The following A1CF variants were observed in gnomAD, a reference collection of about 807,000 sequenced individuals.
A1CF encodes the protein APOBEC1 complementation factor.
A1CF carries 48 observed loss-of-function variants against 68.9 expected under a neutral mutation model. The observed-to-expected ratio is 0.70, with a 90% CI of 0.55 to 0.89. A1CF has a LOEUF of 0.89. Ranked by LOEUF, A1CF falls within the 40% of genes least tolerant of loss-of-function variation. The pLI, the probability that A1CF is intolerant of heterozygous loss-of-function variation, is 0.00. For missense variants in A1CF, 653 were observed against 718.9 expected (o/e 0.91, Z 1.05); for synonymous variants, 272 against 260.4 (o/e 1.04, Z -0.43).
In A1CF at chr10:50,820,576, C is replaced by T. The variant is rs748398043; in HGVS notation, c.843G>A (p.Glu281=). 1 of 1,613,414 alleles carries T rather than the reference C, an allele frequency of 6.2e-7. No homozygotes were observed. The part of the protein sequence containing the change: ...VHFSNREDAV[E]AMKALNGKVL... ...CCTTGCCATTTAAAGCTTTCATAGC[C>T]TCAACTGCATCTTCTCGGTTACTGA... The change falls in exon 8 of 13, where the codon GAG becomes GAA. Residue 281 remains glutamate, a synonymous_variant. Transcript: ENST00000373997.
chr10:50,837,415 C>T (rs115011895), intron 5 of A1CF, among the ~76,000 whole-genome samples: 2,003 of 152,244 alleles, frequency 0.013, 53 homozygotes, highest in African/African-American at 0.045. Flanking sequence ...CTTAAGTGTG[C>T]ACAACCTTTG....
Position 50,806,645 on chromosome 10 carries a change from A to G in A1CF, c.*84T>C. On this transcript the variant is annotated 3_prime_UTR_variant, in exon 13 of 13. Coordinates refer to ENST00000373997, the MANE Select transcript of A1CF (RefSeq NM_014576.4). ...TTTAGGAAACATATTATTTATGATC[A>G]TTGGGGACCGAGTTAGAGGTTTATT... 4 of 1,300,874 alleles carry G rather than the reference A, an allele frequency of 3.1e-6. No homozygotes were observed. The highest frequency in any genetic ancestry group is 3.5e-5 in the South Asian group (2 of 57,208). The allele number at this position is 1,300,874 out of a possible 1,614,324, so 80.6% of individuals were successfully genotyped here.
intron 1 of A1CF, among the ~76,000 whole-genome samples, chr10:50,867,746 A>T (rs988792994): frequency 6.6e-6 from 1 of 152,220 alleles, no homozygotes; most frequent in Admixed American, 6.5e-5. Context: ...AAAGATAAAG[A>T]CAGAATTAAA....
chr10:50,873,956 A>G (rs1247390476), intron 1 of A1CF, among the ~76,000 whole-genome samples: 1 of 152,122 alleles, frequency 6.6e-6, no homozygotes, highest in East Asian at 1.9e-4. Flanking sequence ...TGATTATTTT[A>G]TTATAATTTT....
rs1034635147 is a variant in A1CF at position 50,806,654 on chromosome 10, C to A, written c.*75G>T. Reference sequence around the variant, plus strand: ...CATATTATTTATGATCATTGGGGACCGAGTTAGAGGTTTATTTCTTTTTTT... The same window carrying A: ...CATATTATTTATGATCATTGGGGACAGAGTTAGAGGTTTATTTCTTTTTTT... On this transcript the variant is annotated 3_prime_UTR_variant, in exon 13 of 13. Coordinates refer to ENST00000373997, the MANE Select transcript of A1CF (RefSeq NM_014576.4). The A allele has an allele frequency of 2.1e-5, 29 of 1,359,274 alleles. No individual in the cohort carries two copies. In the Admixed American group the frequency reaches 5.2e-4, roughly 25 times the overall value. 84.2% of individuals were successfully genotyped at this position (1,359,274 alleles called of 1,614,324 possible). A position where few individuals can be genotyped will look rare whatever the true frequency, so the allele number is the denominator to read the frequency against.
At chr10:50,878,366 A>C (rs745561388) in intron 1 of A1CF, among the ~76,000 whole-genome samples, 6 of 152,228 alleles carry the variant, frequency 3.9e-5, no homozygotes, top group Non-Finnish European at 8.8e-5. Flanking sequence ...GTTTATGCAC[A>C]CTTGCTTGGT....
chr10:50,836,338 T>C, intron 5 of A1CF, 26 bp from the exon 6 acceptor site: 2 of 1,600,110 alleles, frequency 1.2e-6, no homozygotes, highest in Non-Finnish European at 1.7e-6. Flanking sequence ...GGATTTTGAT[T>C]GATGAGAATC....
intron 1 of A1CF, among the ~76,000 whole-genome samples, chr10:50,884,236 A>G (rs1467004861): frequency 6.6e-6 from 1 of 152,216 alleles, no homozygotes; most frequent in Non-Finnish European, 1.5e-5. Context: ...CAAAGTATTT[A>G]TAGTGTTTTA....
rs918684192 is a variant in A1CF, at chr10:50,808,781, A to G, written c.1609+1113T>C. ...GGAGGATATATTCAAAACTTTTGAG[A>G]AAAAAAACCCCAAAACCAAAAAACA... is the stretch of plus-strand genomic sequence containing the variant. On this transcript the variant is annotated intron_variant, in intron 12 of 12. Coordinates refer to ENST00000373997, the MANE Select transcript of A1CF (RefSeq NM_014576.4). Among the ~76,000 whole-genome samples, 17 of 152,038 alleles carry G rather than the reference A, an allele frequency of 1.1e-4. No homozygotes were observed. In the South Asian group the frequency reaches 1.2e-3, roughly 11 times the overall value.
chr10:50,847,319 A>C (rs1840047247), intron 3 of A1CF, among the ~76,000 whole-genome samples: 1 of 152,192 alleles, frequency 6.6e-6, no homozygotes, highest in Non-Finnish European at 1.5e-5. Flanking sequence ...GTAAATTAAC[A>C]ATTGAGGACA....
intron 3 of A1CF, among the ~76,000 whole-genome samples, chr10:50,858,506 T>G (rs1840590914): frequency 6.6e-6 from 1 of 152,094 alleles, no homozygotes; most frequent in Non-Finnish European, 1.5e-5. Flanking sequence ...CTTGACAGAT[T>G]TATACATATT....
rs1837575817 is a variant in A1CF, at chr10:50,800,943, G to A, written c.*5786C>T. 1 of 152,192 alleles carries A rather than the reference G, an allele frequency of 6.6e-6. No individual in the cohort carries two copies. Among genetic ancestry groups the A allele is most frequent in the Non-Finnish European group, 1.5e-5 (1 of 68,050 alleles). The allele number at this position is 152,192 out of a possible 1,614,324, so 9.4% of individuals were successfully genotyped here. On this transcript the variant is annotated 3_prime_UTR_variant, in exon 13 of 13. Transcript: ENST00000373997. ...TAAGGTGAAGGTTAACGTAAGACCT[G>A]TCTGTTTTGGGATAGAAGTAACTCA...
chr10:50,861,086 T>C (rs1435170513), intron 2 of A1CF, among the ~76,000 whole-genome samples: 3 of 152,196 alleles, frequency 2.0e-5, no homozygotes, highest in African/African-American at 4.8e-5. Flanking sequence ...CTGCTTCACA[T>C]TGTCCTTTAA....
chr10:50,818,686 T>C (rs1412508617), intron 8 of A1CF, among the ~76,000 whole-genome samples: 1 of 152,220 alleles, frequency 6.6e-6, no homozygotes, highest in Non-Finnish European at 1.5e-5. Context: ...AATGCTTTTC[T>C]TTATAGACAT....
chr10:50,838,204 A>G (rs1258717244), intron 5 of A1CF, among the ~76,000 whole-genome samples: 1 of 152,134 alleles, frequency 6.6e-6, no homozygotes, highest in African/African-American at 2.4e-5. Flanking sequence ...GTTGTGTGGC[A>G]GGTTTTCTGA....
chr10:50,834,978 G>T (rs905070666), intron 6 of A1CF, among the ~76,000 whole-genome samples: 4 of 152,146 alleles, frequency 2.6e-5, no homozygotes, highest in Non-Finnish European at 4.4e-5. Context: ...GTCACCAAAA[G>T]GTATGCCCCC....
intron 7 of A1CF, among the ~76,000 whole-genome samples, chr10:50,821,400 A>G (rs1160007076): frequency 1.3e-5 from 2 of 152,346 alleles, no homozygotes; most frequent in African/African-American, 4.8e-5. Flanking sequence ...GATATCAATT[A>G]CACTACTGTT....
At chr10:50,814,857 T>C (rs567137037) in intron 9 of A1CF, among the ~76,000 whole-genome samples, 1 of 152,316 alleles carries the variant, frequency 6.6e-6, no homozygotes, top group East Asian at 1.9e-4. Flanking sequence ...TGATTTTATA[T>C]TCTAAATGCA....
rs1162669284 is a variant in A1CF, at chr10:50,811,114, A to T, written c.1386T>A (p.Ala462=). The T allele has an allele frequency of 6.2e-7, 1 of 1,613,604 alleles. No individual in the cohort carries two copies. Among genetic ancestry groups the T allele is most frequent in the Admixed American group, 1.7e-5 (1 of 59,982 alleles). Reference sequence around the variant, plus strand: ...ATAGCTGTCTTTGGTCTTGTCCAATAGCAGAGTGCAGCTGGTACACTGGCT... The same window carrying T: ...ATAGCTGTCTTTGGTCTTGTCCAATTGCAGAGTGCAGCTGGTACACTGGCT... The part of the protein sequence containing the change: ...WGQPVYQLHS[A]IGQDQRQLFL... The change falls in exon 11 of 13, where the codon GCT becomes GCA. Residue 462 remains alanine (A), a synonymous_variant. Transcript: ENST00000373997.
Sources: allele counts gnomAD v4.1 joint callset (sites outside exome capture counted in the v4.1 genomes callset), GRCh38; gene constraint gnomAD v4.1.1; transcripts MANE v1.5; gene names NCBI Gene and HGNC (gene_info 2026-07-23, HGNC 2026-07-21).